RPS6KC1: variants seen among roughly 807,000 people sequenced by gnomAD.
The protein encoded by RPS6KC1 is inactive ribosomal protein S6 kinase delta-1.
In RPS6KC1, 54 loss-of-function variants were observed where a neutral mutation model predicts 103.8. That is an observed-to-expected ratio of 0.52 (90% CI 0.42 to 0.65). The LOEUF (loss-of-function observed/expected upper bound fraction) is 0.65, where lower values mean the gene tolerates loss of function less well. Ranked by LOEUF, RPS6KC1 falls within the 30% of genes least tolerant of loss-of-function variation. RPS6KC1 has a pLI of 0.00. For synonymous variants in RPS6KC1, 439 were observed against 438.7 expected, an observed-to-expected ratio of 1.00 and a Z score of -0.01; for missense variants, 1,151 against 1,253.8, an observed-to-expected ratio of 0.92 and a Z score of 1.24.
the RPS6KC1 span, among the ~76,000 whole-genome samples, chr1:213,648,899 T>G: frequency 2.6e-5 from 4 of 152,188 alleles, no homozygotes; most frequent in African/African-American, 9.6e-5. Context: ...CCACAGTTTC[T>G]TCACTCTGCT....
At chr1:213,457,646 C>T in the RPS6KC1 span, among the ~76,000 whole-genome samples, 6 of 152,116 alleles carry the variant, frequency 3.9e-5, no homozygotes, top group East Asian at 1.2e-3. Context: ...TGTTTAATTC[C>T]TTTTTGAGTA....
chr1:213,132,160 C>G (rs905761648), intron 6 of RPS6KC1, among the ~76,000 whole-genome samples: 6 of 152,158 alleles, frequency 3.9e-5, no homozygotes, highest in African/African-American at 1.4e-4. Flanking sequence ...GAACTTGATA[C>G]CAAACCTACT....
At chr1:213,120,242 G>GA (rs2084229829) in intron 5 of RPS6KC1, among the ~76,000 whole-genome samples, 1 of 152,146 alleles carries the variant, frequency 6.6e-6, no homozygotes, top group Non-Finnish European at 1.5e-5. Flanking sequence ...CATGAAGAAT[G>GA]AAAACCATGG....
At chr1:213,381,101 T>A in the RPS6KC1 span, among the ~76,000 whole-genome samples, 1 of 152,208 alleles carries the variant, frequency 6.6e-6, no homozygotes, top group Non-Finnish European at 1.5e-5. Context: ...GGCAGAGAGA[T>A]ACCTGGAACA....
At chr1:213,259,816 G>T (rs547109712) in intron 12 of RPS6KC1, among the ~76,000 whole-genome samples, 3 of 126,654 alleles carry the variant, frequency 2.4e-5, no homozygotes, top group African/African-American at 8.6e-5. Flanking sequence ...TCAGCTCACC[G>T]CAACCTCCAC....
chr1:213,536,906 A>G, the RPS6KC1 span, among the ~76,000 whole-genome samples: 121,982 of 152,054 alleles, frequency 0.8, 49,626 homozygotes, highest in East Asian at 0.98. Flanking sequence ...GGGCGGGCTG[A>G]ACAGGAGAAC....
At chr1:213,404,019 G>T in the RPS6KC1 span, among the ~76,000 whole-genome samples, 1 of 152,180 alleles carries the variant, frequency 6.6e-6, no homozygotes, top group African/African-American at 2.4e-5. Flanking sequence ...GCAGATGAGG[G>T]AGGCTGGGTA....
the RPS6KC1 span, among the ~76,000 whole-genome samples, chr1:213,692,077 C>T: frequency 0.055 from 8,359 of 152,184 alleles, 244 homozygotes; most frequent in African/African-American, 0.065. Flanking sequence ...GAGACTGAGG[C>T]AAATTTTGGA....
chr1:213,248,666 C>A (rs954000509), intron 12 of RPS6KC1, among the ~76,000 whole-genome samples: 1 of 152,176 alleles, frequency 6.6e-6, no homozygotes, highest in African/African-American at 2.4e-5. Flanking sequence ...TTTAGGAGGA[C>A]TTGAGGGTCT....
At chr1:213,228,053 G>A (rs1364468728) in intron 8 of RPS6KC1, among the ~76,000 whole-genome samples, 2 of 152,118 alleles carry the variant, frequency 1.3e-5, no homozygotes, top group Admixed American at 6.6e-5. Flanking sequence ...TAAAGAGCTC[G>A]AAGTCTCACT....
chr1:213,438,816 T>C, the RPS6KC1 span, among the ~76,000 whole-genome samples: 111,587 of 140,040 alleles, frequency 0.8, 44,749 homozygotes, highest in East Asian at 0.97. Flanking sequence ...TTTTTTGAGA[T>C]GGAGTCTCGC....
the RPS6KC1 span, among the ~76,000 whole-genome samples, chr1:213,580,288 A>C: frequency 6.6e-6 from 1 of 152,114 alleles, no homozygotes; most frequent in Non-Finnish European, 1.5e-5. Context: ...ATATGGTAGA[A>C]ATAGCAAGAG....
At chr1:213,267,192 A>G (rs973671858) in intron 14 of RPS6KC1, among the ~76,000 whole-genome samples, 2 of 151,976 alleles carry the variant, frequency 1.3e-5, no homozygotes, top group Admixed American at 6.6e-5. Context: ...AGAGAACAGA[A>G]GCTTGAAGGG....
chr1:213,704,125 C>A, the RPS6KC1 span, among the ~76,000 whole-genome samples: 1 of 152,068 alleles, frequency 6.6e-6, no homozygotes, highest in African/African-American at 2.4e-5. Flanking sequence ...CGGTGGCTCA[C>A]GCCTGTAATC....
chr1:213,360,732 T>G, the RPS6KC1 span, among the ~76,000 whole-genome samples: 1 of 152,264 alleles, frequency 6.6e-6, no homozygotes, highest in South Asian at 2.1e-4. Context: ...GCAGATGGGG[T>G]TTTGGTGTCG....
the RPS6KC1 span, among the ~76,000 whole-genome samples, chr1:213,564,550 G>T: frequency 2.0e-5 from 3 of 152,170 alleles, no homozygotes; most frequent in South Asian, 4.1e-4. Context: ...CAGTTTCTTT[G>T]TTGCCACATT....
intron 8 of RPS6KC1, among the ~76,000 whole-genome samples, chr1:213,215,648 A>G (rs2093639479): frequency 6.6e-6 from 1 of 152,228 alleles, no homozygotes; most frequent in Non-Finnish European, 1.5e-5. Context: ...GTTACCCATG[A>G]AGGGAAGCCC....
chr1:213,366,162 C>T, the RPS6KC1 span, among the ~76,000 whole-genome samples: 1 of 152,220 alleles, frequency 6.6e-6, no homozygotes, highest in Non-Finnish European at 1.5e-5. Context: ...AGTGATCCCC[C>T]CACAGAGGGG....
chr1:213,381,745 C>T, the RPS6KC1 span, among the ~76,000 whole-genome samples: 1 of 152,076 alleles, frequency 6.6e-6, no homozygotes, highest in East Asian at 1.9e-4. Context: ...AGCACTGCCT[C>T]GCTGCTGCTG....
Sources: allele counts gnomAD v4.1 joint callset (sites outside exome capture counted in the v4.1 genomes callset), GRCh38; gene constraint gnomAD v4.1.1; transcripts MANE v1.5; gene names NCBI Gene and HGNC (gene_info 2026-07-23, HGNC 2026-07-21).